Variants in EFEMP1 observed in about 807,000 individuals in gnomAD.
EFEMP1 encodes the protein EGF-like fibulin extracellular matrix protein 1, also known as EGF-containing fibulin-like extracellular matrix protein 1.
EFEMP1 carries 18 observed loss-of-function variants against 65.7 expected under a neutral mutation model. The observed-to-expected ratio is 0.27, with a 90% CI of 0.19 to 0.41. The LOEUF (loss-of-function observed/expected upper bound fraction) is 0.41, where lower values mean the gene tolerates loss of function less well. Ranked by LOEUF, EFEMP1 falls within the 10% of genes least tolerant of loss-of-function variation. EFEMP1 has a pLI of 1.00. For synonymous variants in EFEMP1, 237 were observed against 219.7 expected (o/e 1.08, Z -0.70); for missense variants, 469 against 624.8 (o/e 0.75, Z 2.66).
At position 55,911,516 on chromosome 2, in the gene EFEMP1, T is replaced by C. The variant is rs558068565; in HGVS notation, c.517+6149A>G. Among the ~76,000 whole-genome samples the C allele has an allele frequency of 8.4e-4, 127 of 151,978 alleles. 2 individuals are homozygous for C. The highest frequency in any genetic ancestry group is 1.5e-3 in the Admixed American group (23 of 15,246). Reference sequence around the variant, plus strand: ...TATATTGTTATAACAATATATTTAATTGTCTTATTATAACAATATATGTTA... The same window carrying C: ...TATATTGTTATAACAATATATTTAACTGTCTTATTATAACAATATATGTTA... On this transcript the variant is annotated intron_variant, in intron 5 of 11. Coordinates refer to ENST00000355426, the MANE Select transcript of EFEMP1 (RefSeq NM_001039348.3).
In EFEMP1 at chr2:55,874,318, C is replaced by CTT. The variant is rs879842405; in HGVS notation, c.1000+626_1000+627dup. ...TACATGCAACATTGGAGGTAGGGTC[C>CTT]TTTTTTTTTTTAGATCTTCCTGAGA... On this transcript the variant is annotated intron_variant, in intron 9 of 11. Transcript: ENST00000355426. Among the ~76,000 whole-genome samples, 4 of 143,942 alleles carry CTT rather than the reference C, an allele frequency of 2.8e-5. No homozygotes were observed. The Admixed American group carries it at 2.8e-4, about 10-fold the overall frequency. The allele number at this position is 143,942 out of a possible 152,430, so 94.4% of individuals were successfully genotyped here.
intron 5 of EFEMP1, among the ~76,000 whole-genome samples, chr2:55,902,831 CA>C (rs1670092418): frequency 6.6e-6 from 1 of 152,042 alleles, no homozygotes; most frequent in African/African-American, 2.4e-5. Flanking sequence ...AAATGCCATC[CA>C]AAAGGCAAAA....
At chr2:55,918,169 G>C (rs368635447) in intron 4 of EFEMP1, 50 bp downstream of exon 4, 12 of 1,612,838 alleles carry the variant, frequency 7.4e-6, no homozygotes, top group Non-Finnish European at 1.0e-5. Context: ...TGACACAAGA[G>C]ATGGAGACAG....
intron 9 of EFEMP1, among the ~76,000 whole-genome samples, chr2:55,872,675 A>G (rs1017094484): frequency 1.3e-5 from 2 of 152,122 alleles, no homozygotes; most frequent in African/African-American, 4.8e-5. Flanking sequence ...GGCTAAAGTT[A>G]TCTGGAACTC....
intron 5 of EFEMP1, among the ~76,000 whole-genome samples, chr2:55,890,636 C>T (rs1176551229): frequency 1.3e-5 from 2 of 151,960 alleles, no homozygotes; most frequent in Non-Finnish European, 2.9e-5. Flanking sequence ...ATAGAAACAA[C>T]AACAACAACA....
intron 11 of EFEMP1, among the ~76,000 whole-genome samples, chr2:55,869,460 A>T (rs562868788): frequency 2.0e-5 from 3 of 152,132 alleles, no homozygotes; most frequent in African/African-American, 7.2e-5. Flanking sequence ...TATTCAAAAA[A>T]ATAATTGTAA....
rs1669379968 is a variant in EFEMP1 at position 55,885,153 on chromosome 2, C to T, written c.518-3419G>A. 1.3e-5 allele frequency among the ~76,000 whole-genome samples: 2 copies of T among 152,090 alleles called. No individual in the cohort carries two copies. Among genetic ancestry groups the T allele is most frequent in the African/African-American group, 2.4e-5 (1 of 41,412 alleles). ...GGCTATGAGGTATAAAGCAGATTCG[C>T]CAGAAGAGGTGGGTTCTCCACTGCA... On this transcript the variant is annotated intron_variant, in intron 5 of 11. Transcript: ENST00000355426. The surrounding 1 kb of genome is among the most constrained non-coding windows in gnomAD (Gnocchi z 4.3).
chr2:55,915,709 A>G (rs1025375309), intron 5 of EFEMP1, among the ~76,000 whole-genome samples: 4 of 152,192 alleles, frequency 2.6e-5, no homozygotes, highest in African/African-American at 9.7e-5. Flanking sequence ...ATACTTAAGA[A>G]TTTTTCAGCA....
chr2:55,905,248 C>T (rs868736273), intron 5 of EFEMP1, among the ~76,000 whole-genome samples: 1 of 152,196 alleles, frequency 6.6e-6, no homozygotes, highest in Middle Eastern at 3.4e-3. Flanking sequence ...AAATACCATT[C>T]ACATTTTTAA....
intron 5 of EFEMP1, among the ~76,000 whole-genome samples, chr2:55,904,146 C>A (rs548972694): frequency 6.6e-6 from 1 of 152,244 alleles, no homozygotes; most frequent in South Asian, 2.1e-4. Flanking sequence ...CCTTAGAAGA[C>A]TGATTTTCAT....
chr2:55,901,656 G>A (rs1485450314), intron 5 of EFEMP1, among the ~76,000 whole-genome samples: 1 of 152,122 alleles, frequency 6.6e-6, no homozygotes, highest in Non-Finnish European at 1.5e-5. Context: ...ACTCTAAATG[G>A]TTGGAGTCAA....
Position 55,866,308 on chromosome 2 carries a change from C to T in EFEMP1, c.*765G>A, listed in dbSNP as rs1028693697. 6.6e-6 allele frequency: 1 copy of T among 152,040 alleles called. No individual in the cohort carries two copies. Among genetic ancestry groups the T allele is most frequent in the Non-Finnish European group, 1.5e-5 (1 of 68,006 alleles). 9.4% of individuals were successfully genotyped at this position (152,040 alleles called of 1,614,324 possible). ...AATTCAGGGATGTTATTATATTTTCCGAGTTTGCTTCTTCAGGTCAGTTCC... is the reference window on the plus strand; with the variant it reads ...AATTCAGGGATGTTATTATATTTTCTGAGTTTGCTTCTTCAGGTCAGTTCC... On this transcript the variant is annotated 3_prime_UTR_variant, in exon 12 of 12. Transcript: ENST00000355426.
At chr2:55,882,883 G>A (rs1014933143) in intron 5 of EFEMP1, among the ~76,000 whole-genome samples, 1 of 152,084 alleles carries the variant, frequency 6.6e-6, no homozygotes, top group African/African-American at 2.4e-5. Context: ...GGAAGAAAAA[G>A]TAGGGAAAGA....
At position 55,880,017 on chromosome 2, in the gene EFEMP1, G is replaced by T. The variant is rs190945147; in HGVS notation, c.640+1595C>A. Among the ~76,000 whole-genome samples the T allele has an allele frequency of 5.9e-5, 9 of 152,282 alleles. 1 individual carries two copies. Among genetic ancestry groups the T allele is most frequent in the Admixed American group, 5.2e-4 (8 of 15,294 alleles). On this transcript the variant is annotated intron_variant, in intron 6 of 11. Transcript: ENST00000355426. ...GGATTTGACAGTGAAATAAGAATTT[G>T]CCAGGAGGGAATGTTTTTGTTGTGT...
At chr2:55,911,307 T>C (rs1431214310) in intron 5 of EFEMP1, among the ~76,000 whole-genome samples, 2 of 152,022 alleles carry the variant, frequency 1.3e-5, no homozygotes, top group Non-Finnish European at 2.9e-5. Flanking sequence ...GCAGAATGTA[T>C]ATTTTTGATG....
intron 5 of EFEMP1, among the ~76,000 whole-genome samples, chr2:55,902,499 G>A (rs1572830923): frequency 6.6e-6 from 1 of 152,104 alleles, no homozygotes. Flanking sequence ...TATTTCCTGC[G>A]CACCAAAATA....
intron 3 of EFEMP1, among the ~76,000 whole-genome samples, chr2:55,918,708 C>T (rs1451790926): frequency 4.1e-5 from 6 of 145,230 alleles, no homozygotes; most frequent in African/African-American, 1.5e-4. Context: ...TCTCTAAATC[C>T]TCTTACAGCA....
At chr2:55,899,808 C>G (rs188136243) in intron 5 of EFEMP1, among the ~76,000 whole-genome samples, 2 of 152,164 alleles carry the variant, frequency 1.3e-5, no homozygotes, top group Non-Finnish European at 2.9e-5. Context: ...ATTCACAGGT[C>G]ACCTCTCTGA....
At chr2:55,892,280 ATCTGACATTAAAG>A (rs1669654055) in intron 5 of EFEMP1, among the ~76,000 whole-genome samples, 1 of 152,154 alleles carries the variant, frequency 6.6e-6, no homozygotes, top group African/African-American at 2.4e-5. Context: ...ATTTTTATGA[ATCTGACATTAAAG>A]CCTACTTTGA....
Sources: allele counts gnomAD v4.1 joint callset (sites outside exome capture counted in the v4.1 genomes callset), GRCh38; gene constraint gnomAD v4.1.1; non-coding constraint Gnocchi (gnomAD v3.1); transcripts MANE v1.5; gene names NCBI Gene and HGNC (gene_info 2026-07-23, HGNC 2026-07-21).